Variants in ANKRD10 observed in about 807,000 individuals in gnomAD.
The protein encoded by ANKRD10 is ankyrin repeat domain 10, also known as ankyrin repeat domain-containing protein 10.
ANKRD10 carries 14 observed loss-of-function variants against 27.0 expected under a neutral mutation model. The observed-to-expected ratio is 0.52, with a 90% CI of 0.34 to 0.81. The LOEUF is 0.81. Among genes scored for constraint, ANKRD10 ranks in the 40% least tolerant of loss-of-function variants. The pLI is 0.01. For synonymous variants in ANKRD10, 250 were observed against 224.5 expected (o/e 1.11, Z -1.01); for missense variants, 493 against 544.0 (o/e 0.91, Z 0.93).
chr13:110,897,447 A>AT (rs2065258770), intron 3 of ANKRD10, among the ~76,000 whole-genome samples: 1 of 151,872 alleles, frequency 6.6e-6, no homozygotes, highest in Admixed American at 6.6e-5. Context: ...TACCTTCCAC[A>AT]TAAGTACAGT....
At chr13:110,910,023 A>C (rs540832043) in intron 2 of ANKRD10, among the ~76,000 whole-genome samples, 1 of 152,346 alleles carries the variant, frequency 6.6e-6, no homozygotes, top group East Asian at 1.9e-4. Flanking sequence ...CTTGTCTCAC[A>C]CAACTAAGTA....
chr13:110,903,244 T>C (rs1239401826), intron 3 of ANKRD10, among the ~76,000 whole-genome samples: 1 of 152,188 alleles, frequency 6.6e-6, no homozygotes, highest in African/African-American at 2.4e-5. Context: ...CAACTTCACG[T>C]GCTTGCTGAA....
chr13:110,889,658 G>T (rs2065024499), intron 4 of ANKRD10, among the ~76,000 whole-genome samples: 1 of 152,172 alleles, frequency 6.6e-6, no homozygotes. Context: ...ACTACTTTTT[G>T]TGGGGAAGAA....
chr13:110,893,390 AAAG>A (rs1566463746), intron 3 of ANKRD10, 127 bp from the exon 4 acceptor site: 7 of 840,210 alleles, frequency 8.3e-6, no homozygotes, highest in Middle Eastern at 3.1e-4. Flanking sequence ...AATCTTCATT[AAAG>A]AAGTAGTTAA....
At position 110,914,809 on chromosome 13, in the gene ANKRD10, C is replaced by A; in HGVS notation, c.126G>T (p.Leu42=). The change falls in exon 1 of 6, where the codon CTG becomes CTT. Residue 42 remains leucine (L), a synonymous_variant. Coordinates refer to ENST00000267339, the MANE Select transcript of ANKRD10 (RefSeq NM_017664.4). ...CCAGGTGGGCGTGGGGTGTCTGCTG[C>A]AGCAGCGAGCAGAGCGTGGCCAGGT... ...DGDLATLCSL[L]QQTPHAHLAS... 6.3e-7 allele frequency: 1 copy of A among 1,591,380 alleles called. No homozygotes were observed.
rs765895162 is a variant in ANKRD10, at chr13:110,906,019, C to T, written c.455+14G>A. The stretch of plus-strand genomic sequence containing the variant: ...TACATCTTTAGCTGGAAAGAATAAA[C>T]GAAAGACACTTACTCGACGTGAGCC... On this transcript the variant is annotated intron_variant, in intron 3 of 5. Coordinates refer to ENST00000267339, the MANE Select transcript of ANKRD10 (RefSeq NM_017664.4). The T allele has an allele frequency of 1.6e-5, 25 of 1,577,896 alleles. No homozygotes were observed. The African/African-American group carries it at 1.6e-4, about 10-fold the overall frequency.
At chr13:110,882,388 C>G (rs1387816905) in intron 5 of ANKRD10, among the ~76,000 whole-genome samples, 1 of 152,170 alleles carries the variant, frequency 6.6e-6, no homozygotes, top group African/African-American at 2.4e-5. Context: ...CTCGAGTAAT[C>G]TCTAGTGATT....
chr13:110,893,292 C>T (rs1249692797), intron 3 of ANKRD10, 29 bp from the exon 4 acceptor site: 1 of 1,605,950 alleles, frequency 6.2e-7, no homozygotes, highest in Admixed American at 1.7e-5. Context: ...CTGAATTACA[C>T]CCCATCCGCG....
chr13:110,881,172 C>T (rs542004556), intron 5 of ANKRD10, among the ~76,000 whole-genome samples: 4 of 152,288 alleles, frequency 2.6e-5, no homozygotes, highest in East Asian at 1.9e-4. Flanking sequence ...ATCTCTAACT[C>T]GGTAATACTA....
At chr13:110,901,862 A>G (rs1002645158) in intron 3 of ANKRD10, among the ~76,000 whole-genome samples, 4 of 152,088 alleles carry the variant, frequency 2.6e-5, no homozygotes, top group African/African-American at 9.7e-5. Flanking sequence ...GTAACACAGC[A>G]AGACCCCATC....
chr13:110,913,427 G>C (rs2065779348), intron 1 of ANKRD10, among the ~76,000 whole-genome samples: 1 of 152,180 alleles, frequency 6.6e-6, no homozygotes, highest in African/African-American at 2.4e-5. Context: ...TCTCCAGCAG[G>C]TACTACGGTT....
chr13:110,910,677 C>G lies in ANKRD10; in HGVS notation c.304G>C (p.Gly102Arg). 1 of 1,614,168 alleles carries G rather than the reference C, an allele frequency of 6.2e-7. No individual in the cohort carries two copies. The highest frequency in any genetic ancestry group is 8.5e-7 in the Non-Finnish European group (1 of 1,180,024). Reference sequence around the variant, plus strand: ...CAGACCAGGCACTGAGGATGTCCCCCAAAGGCTGCAATGTGGGCTGGCGTC... The same window carrying G: ...CAGACCAGGCACTGAGGATGTCCCCGAAAGGCTGCAATGTGGGCTGGCGTC... ...AQTPAHIAAF[G>R]GHPQCLVWLI... is the part of the protein sequence containing the mutation. The change falls in exon 2 of 6, where the codon GGG becomes CGG. Residue 102 changes from glycine (G) to arginine (R), a missense_variant. By Grantham distance (125) the Gly-to-Arg change is moderately radical (BLOSUM62 -2). Transcript: ENST00000267339.
In ANKRD10 at chr13:110,901,780, C is replaced by A. The variant is rs116862134; in HGVS notation, c.455+4253G>T. On this transcript the variant is annotated intron_variant, in intron 3 of 5. Transcript: ENST00000267339. ...AAAGGAGGCTGCACAGTGGCTCACACCTGTAAACCCAGTGCTCTGGGAGGC... is the reference window on the plus strand; with the variant it reads ...AAAGGAGGCTGCACAGTGGCTCACAACTGTAAACCCAGTGCTCTGGGAGGC... Among the ~76,000 whole-genome samples, 45 of 152,310 alleles carry A rather than the reference C, an allele frequency of 3.0e-4. 1 individual carries two copies. In the East Asian group the frequency reaches 6.7e-3, roughly 23 times the overall value.
Position 110,914,946 on chromosome 13 carries a change from GGA to G in ANKRD10, c.-14_-13del. ...CCCGCCGCCGACATGGTCCGTCACCGGAGAGCGCGGGGCTCGCTGGCCTAGAG... is the reference window on the plus strand; with the variant it reads ...CCCGCCGCCGACATGGTCCGTCACCGGAGCGCGGGGCTCGCTGGCCTAGAG... On this transcript the variant is annotated 5_prime_UTR_variant, in exon 1 of 6. Transcript: ENST00000267339. 3 of 1,528,654 alleles carry G rather than the reference GGA, an allele frequency of 2.0e-6. No individual in the cohort carries two copies. Among genetic ancestry groups the G allele is most frequent in the Non-Finnish European group, 2.6e-6 (3 of 1,143,204 alleles). 94.7% of individuals were successfully genotyped at this position (1,528,654 alleles called of 1,614,324 possible).
chr13:110,880,028 G>A lies in ANKRD10; in HGVS notation c.872C>T (p.Pro291Leu), dbSNP rs745819829. 37 of 1,614,082 alleles carry A rather than the reference G, an allele frequency of 2.3e-5. No individual in the cohort carries two copies. Among genetic ancestry groups the A allele is most frequent in the Middle Eastern group, 1.6e-4 (1 of 6,084 alleles). ...ATTCCTGCTTTCCATCCCACTGAGC[G>A]GGGTCGTGGAGGGGAAGTCCAAATG... ...NGHLDFPSTT[P>L]LSGMESRNGQ... is the part of the protein sequence containing the mutation. The change falls in exon 6 of 6, where the codon CCG becomes CTG. Residue 291 changes from proline to leucine, a missense_variant. Coordinates refer to ENST00000267339, the MANE Select transcript of ANKRD10 (RefSeq NM_017664.4).
intron 3 of ANKRD10, chr13:110,894,703 G>A (rs2065182314): frequency 6.6e-6 from 1 of 152,144 alleles, no homozygotes; most frequent in Non-Finnish European, 1.5e-5. Flanking sequence ...AAAATATAAG[G>A]CGGCTATGTG....
At chr13:110,889,466 G>A (rs1472332977) in intron 4 of ANKRD10, among the ~76,000 whole-genome samples, 1 of 152,126 alleles carries the variant, frequency 6.6e-6, no homozygotes, top group African/African-American at 2.4e-5. Flanking sequence ...ATTTGACACA[G>A]ATGCAAATAA....
At chr13:110,892,025 TATATAG>T (rs1004088791) in intron 4 of ANKRD10, among the ~76,000 whole-genome samples, 7 of 151,656 alleles carry the variant, frequency 4.6e-5, no homozygotes, top group African/African-American at 1.5e-4. Context: ...AGACATCTTA[TATATAG>T]ATATAGATGA....
At chr13:110,908,677 G>A (rs190537939) in intron 2 of ANKRD10, among the ~76,000 whole-genome samples, 5 of 152,266 alleles carry the variant, frequency 3.3e-5, no homozygotes, top group African/African-American at 1.2e-4. Context: ...TAGGCGGGGT[G>A]GGGAGCTAAC....
Sources: gnomAD v4.1 joint callset for allele counts (sites outside exome capture counted in the v4.1 genomes callset) on GRCh38, gnomAD v4.1.1 for gene constraint, MANE v1.5 for transcripts, NCBI Gene and HGNC (gene_info 2026-07-23, HGNC 2026-07-21) for gene names.